Variants in KAZN observed in about 807,000 individuals in gnomAD.
KAZN encodes the protein kazrin, periplakin interacting protein, also known as kazrin.
KAZN carries 40 observed loss-of-function variants against 87.4 expected under a neutral mutation model. That is an observed-to-expected ratio of 0.46 (90% CI 0.36 to 0.60). The LOEUF (loss-of-function observed/expected upper bound fraction) is 0.60. Ranked by LOEUF, KAZN falls within the 20% of genes least tolerant of loss-of-function variation. KAZN has a pLI of 0.00. For synonymous variants in KAZN, 466 were observed against 458.3 expected (o/e 1.02, Z -0.22); for missense variants, 898 against 1,073.9 (o/e 0.84, Z 2.29).
chr1:14,356,500 C>G (rs1659040398), intron 2 of KAZN, among the ~76,000 whole-genome samples: 1 of 152,104 alleles, frequency 6.6e-6, no homozygotes, highest in Non-Finnish European at 1.5e-5. Context: ...AGTTTTTGCC[C>G]ATGCCTAGGT....
At chr1:14,286,552 T>C (rs1653267474) in intron 2 of KAZN, among the ~76,000 whole-genome samples, 1 of 152,218 alleles carries the variant, frequency 6.6e-6, no homozygotes, top group Non-Finnish European at 1.5e-5. Context: ...CAGTCACACT[T>C]AATAAATATT....
At chr1:14,549,833 A>G (rs1429637184) in intron 2 of KAZN, among the ~76,000 whole-genome samples, 1 of 152,046 alleles carries the variant, frequency 6.6e-6, no homozygotes, top group African/African-American at 2.4e-5. Flanking sequence ...ATGATTGCCA[A>G]CTTCCTCAGC....
chr1:14,374,446 A>T (rs1424117215), intron 2 of KAZN, among the ~76,000 whole-genome samples: 1 of 152,238 alleles, frequency 6.6e-6, no homozygotes, highest in East Asian at 1.9e-4. Context: ...GGCAAGGATG[A>T]GGAGCTTCGG....
chr1:14,658,810 AG>A (rs1365154303), intron 1 of KAZN, among the ~76,000 whole-genome samples: 3 of 152,130 alleles, frequency 2.0e-5, no homozygotes, highest in Admixed American at 1.3e-4. Context: ...CTTCACTACC[AG>A]GTTTCTCCAC....
intron 1 of KAZN, among the ~76,000 whole-genome samples, chr1:14,932,736 C>T (rs1318609985): frequency 6.6e-6 from 1 of 151,690 alleles, no homozygotes; most frequent in Non-Finnish European, 1.5e-5. Context: ...AATGCAGAGT[C>T]CCACCCCAGA....
chr1:14,901,816 G>A (rs964790981), intron 1 of KAZN, among the ~76,000 whole-genome samples: 18 of 152,274 alleles, frequency 1.2e-4, no homozygotes, highest in African/African-American at 4.1e-4. Flanking sequence ...TCTCTGGGGC[G>A]GCCAGGGTTC....
At chr1:14,483,920 C>T (rs1409683624) in intron 2 of KAZN, among the ~76,000 whole-genome samples, 1 of 152,116 alleles carries the variant, frequency 6.6e-6, no homozygotes, top group Non-Finnish European at 1.5e-5. Flanking sequence ...CTTTAATCCA[C>T]TTTAAATTAT....
intron 2 of KAZN, among the ~76,000 whole-genome samples, chr1:14,378,052 T>C (rs1661056430): frequency 6.6e-6 from 1 of 152,218 alleles, no homozygotes; most frequent in South Asian, 2.1e-4. Flanking sequence ...TTTTCATGTA[T>C]TTGTTTATTA....
chr1:14,418,290 CCT>C (rs916797620), intron 2 of KAZN, among the ~76,000 whole-genome samples: 1 of 152,240 alleles, frequency 6.6e-6, no homozygotes, highest in East Asian at 1.9e-4. Context: ...GGCTATCTAA[CCT>C]CTCTGAGTGT....
At chr1:14,513,845 G>C (rs993965915) in intron 2 of KAZN, among the ~76,000 whole-genome samples, 1 of 151,918 alleles carries the variant, frequency 6.6e-6, no homozygotes, top group African/African-American at 2.4e-5. Context: ...GAGTTTTTCC[G>C]CATTAATGTA....
At chr1:14,452,665 A>T (rs1404217303) in intron 2 of KAZN, among the ~76,000 whole-genome samples, 1 of 152,162 alleles carries the variant, frequency 6.6e-6, no homozygotes, top group African/African-American at 2.4e-5. Flanking sequence ...AACCTAGAAG[A>T]CAGCCAGCGC....
intron 1 of KAZN, among the ~76,000 whole-genome samples, chr1:14,123,180 T>C (rs1259453938): frequency 6.6e-6 from 1 of 152,228 alleles, no homozygotes; most frequent in African/African-American, 2.4e-5. Context: ...CATTGCCATT[T>C]TCCTGCAGAG....
At chr1:14,607,619 G>C (rs1471152296) in intron 1 of KAZN, among the ~76,000 whole-genome samples, 2 of 152,204 alleles carry the variant, frequency 1.3e-5, no homozygotes, top group African/African-American at 4.8e-5. Flanking sequence ...AGGGACTCCT[G>C]TCTGGCCAGA....
At chr1:14,615,392 C>A (rs761617794) in intron 1 of KAZN, among the ~76,000 whole-genome samples, 1 of 152,140 alleles carries the variant, frequency 6.6e-6, no homozygotes, top group Non-Finnish European at 1.5e-5. Context: ...CTTTGGGAGG[C>A]CAAGGCGGGC....
chr1:15,005,824 A>G (rs867443151), intron 2 of KAZN, among the ~76,000 whole-genome samples: 10 of 152,078 alleles, frequency 6.6e-5, no homozygotes, highest in Middle Eastern at 3.4e-3. Flanking sequence ...CCTAAAGGGC[A>G]TTAGTGTTGG....
At chr1:14,311,961 A>G (rs1161230688) in intron 2 of KAZN, among the ~76,000 whole-genome samples, 1 of 152,180 alleles carries the variant, frequency 6.6e-6, no homozygotes, top group Non-Finnish European at 1.5e-5. Flanking sequence ...AAGGCCCTCC[A>G]TAAGCTGGGA....
chr1:13,945,762 A>G (rs970752323), intron 1 of KAZN, among the ~76,000 whole-genome samples: 1 of 151,032 alleles, frequency 6.6e-6, no homozygotes, highest in African/African-American at 2.4e-5. Context: ...AGTCTTTAGT[A>G]CATTTTTTTA....
chr1:14,711,494 G>A (rs75701197), intron 1 of KAZN, among the ~76,000 whole-genome samples: 14,516 of 152,222 alleles, frequency 0.095, 1,116 homozygotes, highest in Admixed American at 0.25. Context: ...ACGCCCTTCC[G>A]CTGGTGTTCA....
At chr1:14,746,094 T>G (rs1644253444) in intron 1 of KAZN, among the ~76,000 whole-genome samples, 1 of 152,228 alleles carries the variant, frequency 6.6e-6, no homozygotes, top group East Asian at 1.9e-4. Flanking sequence ...ATGCCATTTA[T>G]GTCCACCTTA....
Sources: allele counts gnomAD v4.1 joint callset (sites outside exome capture counted in the v4.1 genomes callset), GRCh38; gene constraint gnomAD v4.1.1; transcripts MANE v1.5; gene names NCBI Gene and HGNC (gene_info 2026-07-23, HGNC 2026-07-21).